Variants in AKR1C8 observed in about 807,000 individuals in gnomAD.
The protein encoded by AKR1C8 is aldo-keto reductase family 1 member C-like protein 1.
the AKR1C8 span, chr10:5,132,893 T>G: frequency 2.8e-6 from 1 of 352,960 alleles, no homozygotes; most frequent in South Asian, 4.9e-5. Flanking sequence ...ATATATGGGG[T>G]GATAAATCCA....
chr10:5,158,389 G>A, the AKR1C8 span, among the ~76,000 whole-genome samples: 1 of 152,218 alleles, frequency 6.6e-6, no homozygotes, highest in African/African-American at 2.4e-5. Flanking sequence ...GTGGGGTTGG[G>A]AGTAAGTAGT....
the AKR1C8 span, among the ~76,000 whole-genome samples, chr10:5,164,389 C>A: frequency 7.2e-5 from 11 of 152,112 alleles, no homozygotes; most frequent in East Asian, 2.1e-3. Context: ...TTTGTGTCCA[C>A]AATTTTCTTG....
chr10:5,151,684 G>A, the AKR1C8 span, among the ~76,000 whole-genome samples: 206 of 151,244 alleles, frequency 1.4e-3, 1 homozygote, highest in African/African-American at 4.9e-3. Flanking sequence ...AGCCTCCTAA[G>A]TAGCTGGGAT....
the AKR1C8 span, among the ~76,000 whole-genome samples, chr10:5,177,845 C>T: frequency 2.6e-5 from 4 of 151,944 alleles, no homozygotes; most frequent in African/African-American, 4.8e-5. Context: ...TCATTTTTTA[C>T]TGCATCTATT....
the AKR1C8 span, among the ~76,000 whole-genome samples, chr10:5,126,945 A>G: frequency 6.6e-5 from 10 of 152,230 alleles, no homozygotes; most frequent in African/African-American, 2.4e-4. Context: ...AAAACAGGGA[A>G]ATCAAAAATA....
chr10:5,160,501 C>T, the AKR1C8 span, among the ~76,000 whole-genome samples: 1 of 152,164 alleles, frequency 6.6e-6, no homozygotes, highest in Non-Finnish European at 1.5e-5. Flanking sequence ...GTGTTTCTAT[C>T]CAAAGATAAC....
the AKR1C8 span, among the ~76,000 whole-genome samples, chr10:5,152,362 G>C: frequency 2.0e-5 from 3 of 152,264 alleles, no homozygotes; most frequent in South Asian, 6.2e-4. Context: ...CGCCAAAAAT[G>C]GACACAATTT....
the AKR1C8 span, among the ~76,000 whole-genome samples, chr10:5,131,071 C>T: frequency 4.6e-5 from 7 of 151,844 alleles, no homozygotes; most frequent in African/African-American, 1.2e-4. Flanking sequence ...CAAACAAAAA[C>T]ATAAATTGGG....
At chr10:5,127,141 A>G in the AKR1C8 span, among the ~76,000 whole-genome samples, 1 of 152,170 alleles carries the variant, frequency 6.6e-6, no homozygotes, top group Non-Finnish European at 1.5e-5. Context: ...AAAATACCAG[A>G]TAATGAATTT....
chr10:5,120,706 G>A, the AKR1C8 span, among the ~76,000 whole-genome samples: 31 of 152,212 alleles, frequency 2.0e-4, no homozygotes, highest in South Asian at 3.9e-3. Context: ...GTTCAAAAAT[G>A]TCTTCTCTCA....
At chr10:5,147,552 T>A in the AKR1C8 span, among the ~76,000 whole-genome samples, 1 of 149,802 alleles carries the variant, frequency 6.7e-6, no homozygotes, top group South Asian at 2.1e-4. Flanking sequence ...AAAAAAATGG[T>A]GTGGGTAAAG....
chr10:5,174,159 A>T, the AKR1C8 span, among the ~76,000 whole-genome samples: 1 of 148,000 alleles, frequency 6.8e-6, no homozygotes, highest in Non-Finnish European at 1.5e-5. Flanking sequence ...CCCTGTTCTT[A>T]AAAAAAAAAC....
chr10:5,177,534 G>C, the AKR1C8 span, among the ~76,000 whole-genome samples: 154 of 152,240 alleles, frequency 1.0e-3, 1 homozygote, highest in African/African-American at 3.5e-3. Context: ...CTATTGATTG[G>C]AATAGTTTCA....
chr10:5,157,629 C>A, the AKR1C8 span: 3 of 470,896 alleles, frequency 6.4e-6, no homozygotes, highest in Non-Finnish European at 1.3e-5. Flanking sequence ...TCTGCTCAAC[C>A]TTTACCTGGA....
the AKR1C8 span, among the ~76,000 whole-genome samples, chr10:5,136,628 C>T: frequency 1.1e-3 from 170 of 152,238 alleles, no homozygotes; most frequent in African/African-American, 3.9e-3. Context: ...TCTTAATGTG[C>T]TTTGCTATGT....
chr10:5,148,733 T>G, the AKR1C8 span, among the ~76,000 whole-genome samples: 1 of 152,204 alleles, frequency 6.6e-6, no homozygotes, highest in Non-Finnish European at 1.5e-5. Flanking sequence ...TACAGATATC[T>G]GTTTGGAAAT....
the AKR1C8 span, among the ~76,000 whole-genome samples, chr10:5,159,521 C>T: frequency 6.6e-6 from 1 of 152,070 alleles, no homozygotes; most frequent in Admixed American, 6.5e-5. Context: ...CTACCTGTTC[C>T]TTTTCATCCA....
At chr10:5,144,886 G>A in the AKR1C8 span, among the ~76,000 whole-genome samples, 2 of 151,094 alleles carry the variant, frequency 1.3e-5, no homozygotes, top group Non-Finnish European at 3.0e-5. Context: ...TAATTGCCCT[G>A]GCCAGAACTT....
At chr10:5,126,275 A>G in the AKR1C8 span, among the ~76,000 whole-genome samples, 1 of 152,256 alleles carries the variant, frequency 6.6e-6, no homozygotes, top group South Asian at 2.1e-4. Context: ...CTGCATCCCC[A>G]CAGGAGGAGC....
Sources: gnomAD v4.1 joint callset for allele counts (sites outside exome capture counted in the v4.1 genomes callset) on GRCh38, gnomAD v4.1.1 for gene constraint, MANE v1.5 for transcripts, NCBI Gene and HGNC (gene_info 2026-07-23, HGNC 2026-07-21) for gene names.